Variants in ZNF592 observed in about 807,000 individuals in gnomAD.
ZNF592 encodes zinc finger protein 592.
A neutral mutation model predicts 80.3 loss-of-function variants in ZNF592; 11 were observed. The ratio of observed to expected loss-of-function variants is 0.14; its 90% CI spans 0.09 to 0.23. The LOEUF (loss-of-function observed/expected upper bound fraction) is 0.23. ZNF592 is among the 10% of genes least tolerant of loss of function. The pLI is 1.00. For missense variants in ZNF592, 1,420 were observed against 1,633.9 expected, an observed-to-expected ratio of 0.87 and a Z score of 2.26; for synonymous variants, 646 against 640.3, an observed-to-expected ratio of 1.01 and a Z score of -0.13.
chr15:84,768,854 A>G (rs1260659052), intron 2 of ZNF592, among the ~76,000 whole-genome samples: 2 of 152,232 alleles, frequency 1.3e-5, no homozygotes, highest in African/African-American at 4.8e-5. Flanking sequence ...AAAATGTTTG[A>G]TTCATAATAA....
chr15:84,753,780 T>G (rs1899083055), intron 1 of ZNF592, among the ~76,000 whole-genome samples: 1 of 152,196 alleles, frequency 6.6e-6, no homozygotes, highest in Non-Finnish European at 1.5e-5. Flanking sequence ...GCCTTATTCC[T>G]ATCTTTACAT....
At chr15:84,762,946 TG>T (rs1899394909) in intron 1 of ZNF592, among the ~76,000 whole-genome samples, 1 of 152,194 alleles carries the variant, frequency 6.6e-6, no homozygotes, top group Non-Finnish European at 1.5e-5. Flanking sequence ...TCTAGAGCAA[TG>T]TTGTCTAATC....
rs1482907175 is a variant in ZNF592, at chr15:84,802,007, C to G, written c.3418C>G (p.Gln1140Glu). 3 of 1,613,876 alleles carry G rather than the reference C, an allele frequency of 1.9e-6. No individual in the cohort carries two copies. Among genetic ancestry groups the G allele is most frequent in the Non-Finnish European group, 2.5e-6 (3 of 1,179,890 alleles). ...TGCCACAGACTCGGGGCTCGAGTTT[C>G]AGAGCCACATACCTCAGCACCAGGT... is the stretch of plus-strand genomic sequence containing the variant. The part of the protein sequence containing the change: ...SFATDSGLEF[Q>E]SHIPQHQVDS... Residue 1140 changes from glutamine to glutamate, a missense_variant, in exon 11 of 11, where the codon CAG (glutamine) becomes GAG (glutamate). Around this residue, in one of 7 missense-constraint regions of ZNF592, gnomAD observed 145 missense variants for 211.9 expected, o/e 0.68. Transcript: ENST00000560079.
At chr15:84,779,314 A>G (rs911008996) in intron 3 of ZNF592, among the ~76,000 whole-genome samples, 1 of 152,168 alleles carries the variant, frequency 6.6e-6, no homozygotes, top group African/African-American at 2.4e-5. Context: ...ATTAATTTCT[A>G]TTTAAAAACA....
chr15:84,748,882 G>A (rs1333693529), intron 1 of ZNF592, among the ~76,000 whole-genome samples: 2 of 148,866 alleles, frequency 1.3e-5, no homozygotes, highest in East Asian at 2.0e-4. Flanking sequence ...CCGGCCGTCG[G>A]GCGCCGGCCC....
intron 3 of ZNF592, among the ~76,000 whole-genome samples, chr15:84,781,309 A>T (rs143674229): frequency 6.6e-6 from 1 of 152,034 alleles, no homozygotes; most frequent in Non-Finnish European, 1.5e-5. Context: ...TGGCCTTCCA[A>T]AGTGCTGGGA....
Position 84,798,943 on chromosome 15 carries a change from C to T in ZNF592, c.3024+68C>T, listed in dbSNP as rs571724034. 1.3e-6 allele frequency: 2 copies of T among 1,598,542 alleles called. No homozygotes were observed. The highest frequency in any genetic ancestry group is 4.5e-5 in the East Asian group (2 of 44,824). ...GGACTTCCTTCTGTGAAGCCAGAAC[C>T]CCTAGGGTTCCTGGTGCTTAGGGCA... is the stretch of plus-strand genomic sequence containing the variant. On this transcript the variant is annotated intron_variant, in intron 8 of 10. Coordinates refer to ENST00000560079, the MANE Select transcript of ZNF592 (RefSeq NM_014630.3). The surrounding 1 kb of genome is among the most constrained non-coding windows in gnomAD (Gnocchi z 4.5).
Position 84,784,929 on chromosome 15 carries a change from C to T in ZNF592, c.2220+34C>T. On this transcript the variant is annotated intron_variant, in intron 4 of 10. Transcript: ENST00000560079. This position sits in a 1 kb window ranked among gnomAD's most constrained non-coding sequence, Gnocchi z 5.8. The stretch of plus-strand genomic sequence containing the variant: ...ACCCTCACTGTTACGGGTATCGGGC[C>T]CCTGGCTCACACAGGTTCCATGACT... 1.2e-6 allele frequency: 2 copies of T among 1,612,986 alleles called. No homozygotes were observed. Among genetic ancestry groups the T allele is most frequent in the South Asian group, 1.1e-5 (1 of 90,824 alleles).
At position 84,804,359 on chromosome 15, in the gene ZNF592, T is replaced by C. The variant is rs1428967121; in HGVS notation, c.*1966T>C. The C allele has an allele frequency of 6.6e-6, 1 of 152,280 alleles. No individual in the cohort carries two copies. Among genetic ancestry groups the C allele is most frequent in the African/African-American group, 2.4e-5 (1 of 41,462 alleles). The allele number at this position is 152,280 out of a possible 1,614,324, so 9.4% of individuals were successfully genotyped here. On this transcript the variant is annotated 3_prime_UTR_variant, in exon 11 of 11. Transcript: ENST00000560079. ...GGTTTGAAATGACTGGCTGGATCCC[T>C]TCCTGCTCAGACACAGTGGTAGCTG...
intron 10 of ZNF592, among the ~76,000 whole-genome samples, chr15:84,800,742 A>G (rs1219555523): frequency 6.6e-6 from 1 of 152,240 alleles, no homozygotes; most frequent in African/African-American, 2.4e-5. Context: ...CAAAATGCAC[A>G]TACCCTTTGA....
In ZNF592 at chr15:84,798,546, CT is replaced by C; in HGVS notation, c.2737-39del. On this transcript the variant is annotated intron_variant, in intron 7 of 10. Transcript: ENST00000560079. This position sits in a 1 kb window ranked among gnomAD's most constrained non-coding sequence, Gnocchi z 4.5. ...AGGCTGGGGGTCTGACTCTGTGCAT[CT>C]TTCCCCTTGCCCAGTCAGTAATCGC... 6.2e-7 allele frequency: 1 copy of C among 1,613,990 alleles called. No homozygotes were observed. Among genetic ancestry groups the C allele is most frequent in the Non-Finnish European group, 8.5e-7 (1 of 1,179,986 alleles).
rs898491095 is a variant in ZNF592, at chr15:84,803,387, A to G, written c.*994A>G. On this transcript the variant is annotated 3_prime_UTR_variant, in exon 11 of 11. Transcript: ENST00000560079. ...TTCCCAGACTTCCCCTGTTTGTCCC[A>G]TCTCTGAGGGAGAACAATACTTCCT... The G allele has an allele frequency of 2.6e-5, 4 of 152,566 alleles. No individual in the cohort carries two copies. The highest frequency in any genetic ancestry group is 9.7e-5 in the African/African-American group (4 of 41,404). The allele number at this position is 152,566 out of a possible 1,614,324, so 9.5% of individuals were successfully genotyped here.
At chr15:84,785,046 GTGTT>G (rs1349689057) in intron 4 of ZNF592, 151 bp downstream of exon 4, 2 of 1,021,084 alleles carry the variant, frequency 2.0e-6, no homozygotes, top group African/African-American at 1.6e-5. Flanking sequence ...TTAGTGTTTG[GTGTT>G]TGTTGGAAAA....
chr15:84,767,415 G>A (rs1232081146), intron 2 of ZNF592, among the ~76,000 whole-genome samples: 1 of 152,042 alleles, frequency 6.6e-6, no homozygotes, highest in African/African-American at 2.4e-5. Flanking sequence ...AAATTTAGGG[G>A]TCCCCACTAC....
intron 5 of ZNF592, among the ~76,000 whole-genome samples, chr15:84,795,162 CTTTA>C (rs577949227): frequency 8.1e-4 from 123 of 151,698 alleles, no homozygotes; most frequent in Admixed American, 2.0e-3. Flanking sequence ...TTATTCTGTT[CTTTA>C]TTAATAATTT....
chr15:84,799,249 C>T lies in ZNF592; in HGVS notation c.3137+39C>T, dbSNP rs758967420. ...GATAGTAGTGAGGAGGCCTGAGGTT[C>T]AAAAGACTCTGTCCGTGGCACCACT... is the stretch of plus-strand genomic sequence containing the variant. On this transcript the variant is annotated intron_variant, in intron 9 of 10. Transcript: ENST00000560079. The surrounding 1 kb of genome is among the most constrained non-coding windows in gnomAD (Gnocchi z 4.2). 46 of 1,585,460 alleles carry T rather than the reference C, an allele frequency of 2.9e-5. No homozygotes were observed. The South Asian group carries it at 4.9e-4, about 17-fold the overall frequency.
chr15:84,784,995 G>C lies in ZNF592; in HGVS notation c.2220+100G>C. The C allele has an allele frequency of 7.5e-7, 1 of 1,326,426 alleles. No individual in the cohort carries two copies. 82.2% of individuals were successfully genotyped at this position (1,326,426 alleles called of 1,614,324 possible). ...AGCTCATTGATATGGGGGCAGTGGT[G>C]GAATCTTATGAGTCTTAGAAGAGGA... On this transcript the variant is annotated intron_variant, in intron 4 of 10. Coordinates refer to ENST00000560079, the MANE Select transcript of ZNF592 (RefSeq NM_014630.3). The surrounding 1 kb of genome is among the most constrained non-coding windows in gnomAD (Gnocchi z 5.8).
intron 2 of ZNF592, among the ~76,000 whole-genome samples, chr15:84,768,937 C>G (rs1051659845): frequency 6.6e-6 from 1 of 152,120 alleles, no homozygotes; most frequent in Non-Finnish European, 1.5e-5. Context: ...ATTGTTCTTC[C>G]TCCTTTCTTT....
intron 2 of ZNF592, among the ~76,000 whole-genome samples, chr15:84,774,744 C>T (rs919199625): frequency 6.6e-5 from 10 of 151,972 alleles, no homozygotes; most frequent in African/African-American, 2.2e-4. Flanking sequence ...TCTACTAGTT[C>T]TGCCATAATT....
Sources: allele counts gnomAD v4.1 joint callset (sites outside exome capture counted in the v4.1 genomes callset), GRCh38; gene constraint gnomAD v4.1.1; regional missense constraint gnomAD v4.1.1; non-coding constraint Gnocchi (gnomAD v3.1); transcripts MANE v1.5; gene names NCBI Gene and HGNC (gene_info 2026-07-23, HGNC 2026-07-21).